Variants in PTPRT observed in about 807,000 individuals in gnomAD.
PTPRT encodes receptor-type tyrosine-protein phosphatase T.
PTPRT carries 56 observed loss-of-function variants against 176.8 expected under a neutral mutation model. The ratio of observed to expected loss-of-function variants is 0.32; its 90% CI spans 0.26 to 0.40. PTPRT has a LOEUF of 0.40. Ranked by LOEUF, PTPRT falls within the 10% of genes least tolerant of loss-of-function variation. PTPRT has a pLI of 1.00. For synonymous variants in PTPRT, 783 were observed against 739.0 expected, an observed-to-expected ratio of 1.06 and a Z score of -0.96; for missense variants, 1,540 against 1,908.2, an observed-to-expected ratio of 0.81 and a Z score of 3.60.
intron 19 of PTPRT, among the ~76,000 whole-genome samples, chr20:42,122,365 A>G (rs970471849): frequency 3.9e-5 from 6 of 152,202 alleles, no homozygotes; most frequent in African/African-American, 1.4e-4. Flanking sequence ...AAGTGTATGC[A>G]GGCCTCTCAG....
chr20:43,129,040 G>A (rs1011893258), intron 1 of PTPRT, among the ~76,000 whole-genome samples: 4 of 152,180 alleles, frequency 2.6e-5, no homozygotes, highest in African/African-American at 9.6e-5. Flanking sequence ...TGAAGGTCCT[G>A]CATGAGGGTC....
rs11475047 is a variant in PTPRT, at chr20:42,806,482, CA to C, written c.215-15017del. 6.4e-3 allele frequency among the ~76,000 whole-genome samples: 734 copies of C among 115,074 alleles called. 4 individuals carry two copies. The highest frequency in any genetic ancestry group is 0.016 in the African/African-American group (467 of 29,702). 75.5% of individuals were successfully genotyped at this position (115,074 alleles called of 152,430 possible). A position where few individuals can be genotyped will look rare whatever the true frequency, so the allele number is the denominator to read the frequency against. On this transcript the variant is annotated intron_variant, in intron 2 of 30. Coordinates refer to ENST00000373187, the MANE Select transcript of PTPRT (RefSeq NM_007050.6). ...CTGGCGACAGAGCAAGACTCTGTCT[CA>C]AAAAAAAAAAAAAAAAAAACCCAAA...
intron 1 of PTPRT, among the ~76,000 whole-genome samples, chr20:43,044,763 T>G (rs1335636814): frequency 6.6e-6 from 1 of 152,240 alleles, no homozygotes; most frequent in African/African-American, 2.4e-5. Context: ...AGACAGCCAG[T>G]GTAGTGCACG....
intron 26 of PTPRT, 140 bp downstream of exon 26, chr20:42,101,984 A>T: frequency 1.0e-6 from 1 of 996,374 alleles, no homozygotes; most frequent in African/African-American, 1.6e-5. Context: ...CAGGGGAACA[A>T]AGGTCCTTGG....
intron 9 of PTPRT, among the ~76,000 whole-genome samples, chr20:42,359,805 C>T (rs1321896654): frequency 2.0e-5 from 3 of 152,226 alleles, no homozygotes; most frequent in African/African-American, 7.2e-5. Context: ...GGGCTGCACA[C>T]CTTCCCCAGC....
chr20:42,261,751 C>T (rs139826038), intron 13 of PTPRT, among the ~76,000 whole-genome samples: 2 of 152,278 alleles, frequency 1.3e-5, no homozygotes, highest in African/African-American at 4.8e-5. Context: ...TAGGCTCATA[C>T]TCAGAAACAT....
intron 2 of PTPRT, among the ~76,000 whole-genome samples, chr20:42,857,344 A>T (rs2078582201): frequency 1.3e-5 from 2 of 152,176 alleles, no homozygotes; most frequent in South Asian, 4.1e-4. Flanking sequence ...TACTGTAATG[A>T]GTAAGTCCTA....
At chr20:42,573,328 C>A (rs886644060) in intron 7 of PTPRT, among the ~76,000 whole-genome samples, 2 of 152,118 alleles carry the variant, frequency 1.3e-5, no homozygotes, top group Non-Finnish European at 2.9e-5. Context: ...AGTCCACCCC[C>A]CACCCACCCA....
At chr20:42,774,396 C>A (rs949934355) in intron 4 of PTPRT, among the ~76,000 whole-genome samples, 1 of 152,116 alleles carries the variant, frequency 6.6e-6, no homozygotes, top group Non-Finnish European at 1.5e-5. Flanking sequence ...AAAGGGGACA[C>A]TGAAAGGGGG....
At chr20:42,386,408 C>T (rs1311895810) in intron 9 of PTPRT, among the ~76,000 whole-genome samples, 1 of 152,058 alleles carries the variant, frequency 6.6e-6, no homozygotes, top group Non-Finnish European at 1.5e-5. Context: ...ATTTGAAGAT[C>T]CTCTGGAGGT....
intron 6 of PTPRT, among the ~76,000 whole-genome samples, chr20:42,729,461 G>T (rs1013377357): frequency 6.6e-6 from 1 of 152,218 alleles, no homozygotes; most frequent in Non-Finnish European, 1.5e-5. Context: ...CAACAATAGG[G>T]GAAGAACAGG....
At chr20:42,646,348 T>A (rs1312676383) in intron 7 of PTPRT, among the ~76,000 whole-genome samples, 1 of 152,190 alleles carries the variant, frequency 6.6e-6, no homozygotes, top group Non-Finnish European at 1.5e-5. Flanking sequence ...TGTAAATTGT[T>A]ATTGGAACAC....
At chr20:42,782,373 G>A (rs1164617722) in intron 3 of PTPRT, among the ~76,000 whole-genome samples, 1 of 152,156 alleles carries the variant, frequency 6.6e-6, no homozygotes, top group Non-Finnish European at 1.5e-5. Context: ...TCCGTCTTAG[G>A]TGTCCAGGTC....
intron 1 of PTPRT, among the ~76,000 whole-genome samples, chr20:42,955,451 A>G (rs1029587263): frequency 2.6e-5 from 4 of 152,202 alleles, no homozygotes; most frequent in African/African-American, 9.7e-5. Flanking sequence ...CAGTTCAAGG[A>G]CAATGTCGGT....
chr20:42,573,570 T>C (rs2073197455), intron 7 of PTPRT, among the ~76,000 whole-genome samples: 1 of 152,102 alleles, frequency 6.6e-6, no homozygotes. Context: ...ACTGGGTGAC[T>C]ACCCCATGAT....
chr20:42,057,654 T>A, the PTPRT span, among the ~76,000 whole-genome samples: 1 of 152,158 alleles, frequency 6.6e-6, no homozygotes, highest in Non-Finnish European at 1.5e-5. Context: ...AGTGGTGCAA[T>A]TATAGCTCAC....
intron 7 of PTPRT, among the ~76,000 whole-genome samples, chr20:42,577,600 G>A (rs531893923): frequency 2.1e-4 from 32 of 152,276 alleles, no homozygotes; most frequent in African/African-American, 7.7e-4. Flanking sequence ...GTATTCCCTT[G>A]GCAGTGATTG....
chr20:43,166,863 C>G (rs949420762), intron 1 of PTPRT, among the ~76,000 whole-genome samples: 5 of 152,132 alleles, frequency 3.3e-5, no homozygotes, highest in African/African-American at 1.2e-4. Context: ...TTCTCCCTTC[C>G]CATCAATTCT....
chr20:42,384,773 AT>A (rs1362004732), intron 9 of PTPRT, among the ~76,000 whole-genome samples: 1 of 152,190 alleles, frequency 6.6e-6, no homozygotes, highest in Non-Finnish European at 1.5e-5. Context: ...TGTTTTTAAA[AT>A]AATAGCTATC....
Sources: allele counts gnomAD v4.1 joint callset (sites outside exome capture counted in the v4.1 genomes callset), GRCh38; gene constraint gnomAD v4.1.1; transcripts MANE v1.5; gene names NCBI Gene and HGNC (gene_info 2026-07-23, HGNC 2026-07-21).